ASIP: variants seen among roughly 807,000 people sequenced by gnomAD.
ASIP encodes the protein agouti-signaling protein.
ASIP carries 11 observed loss-of-function variants against 10.3 expected under a neutral mutation model. The observed-to-expected ratio is 1.07, with a 90% confidence interval of 0.68 to 1.78. ASIP has a LOEUF of 1.78. Ranked by LOEUF, ASIP falls within the 40% of genes most tolerant of loss-of-function variation. The pLI is 0.00. For synonymous variants in ASIP, 70 were observed against 70.8 expected, an observed-to-expected ratio of 0.99 and a Z score of 0.06; for missense variants, 180 against 169.2, an observed-to-expected ratio of 1.06 and a Z score of -0.35.
intron 1 of ASIP, among the ~76,000 whole-genome samples, chr20:34,226,498 G>T (rs973161014): frequency 2.0e-4 from 30 of 152,022 alleles, no homozygotes; most frequent in African/African-American, 7.2e-4. Flanking sequence ...GACTACAGGT[G>T]CACACCACAA....
intron 1 of ASIP, among the ~76,000 whole-genome samples, chr20:34,205,091 G>A (rs1034349486): frequency 6.6e-6 from 1 of 152,150 alleles, no homozygotes; most frequent in African/African-American, 2.4e-5. Flanking sequence ...TCTTGGTCTC[G>A]CTGACTTCAA....
intron 1 of ASIP, chr20:34,245,810 AG>A: frequency 2.5e-6 from 2 of 797,302 alleles, no homozygotes; most frequent in Non-Finnish European, 3.1e-6. Context: ...GAAAATGCCA[AG>A]GACGAGGGCA....
At chr20:34,240,500 C>CT (rs1368784482), upstream of ASIP, among the ~76,000 whole-genome samples, 1 of 152,156 alleles carries the variant, frequency 6.6e-6, no homozygotes, top group Non-Finnish European at 1.5e-5. Context: ...GTTTTTGAGT[C>CT]TGTGTAAGTA....
At chr20:34,230,747 G>A (rs2035116350) in intron 1 of ASIP, among the ~76,000 whole-genome samples, 2 of 44,988 alleles carry the variant, frequency 4.4e-5, no homozygotes, top group Non-Finnish European at 7.7e-5. Context: ...CCTCCCGGAT[G>A]GGGCGGCTGG....
At chr20:34,266,737 C>A (rs572174783) in intron 3 of ASIP, among the ~76,000 whole-genome samples, 1 of 152,144 alleles carries the variant, frequency 6.6e-6, no homozygotes, top group Non-Finnish European at 1.5e-5. Context: ...ACTAAGGACA[C>A]GTTAGCACCA....
chr20:34,262,984 TGAAA>T, intron 3 of ASIP, 91 bp downstream of exon 3: 1 of 1,462,192 alleles, frequency 6.8e-7, no homozygotes, highest in Non-Finnish European at 9.4e-7. Flanking sequence ...AGGAACTAAA[TGAAA>T]GATTTTTCAG....
At chr20:34,194,214 T>C (rs934335233), upstream of ASIP, among the ~76,000 whole-genome samples, 5 of 152,054 alleles carry the variant, frequency 3.3e-5, no homozygotes, top group Non-Finnish European at 7.4e-5. Context: ...CAGGAATAAA[T>C]GACACTGGGA....
upstream of ASIP, among the ~76,000 whole-genome samples, chr20:34,241,104 C>T (rs1291673973): frequency 6.6e-6 from 1 of 152,100 alleles, no homozygotes; most frequent in Non-Finnish European, 1.5e-5. Context: ...TCACTTGCAC[C>T]GTAAATAGGA....
At chr20:34,223,674 A>T (rs1280581362) in intron 1 of ASIP, among the ~76,000 whole-genome samples, 4 of 142,564 alleles carry the variant, frequency 2.8e-5, no homozygotes, top group East Asian at 2.2e-4. Context: ...CCTACTGGGA[A>T]GTGAGGAGCC....
At chr20:34,211,326 G>A (rs1474006376) in intron 1 of ASIP, among the ~76,000 whole-genome samples, 1 of 152,194 alleles carries the variant, frequency 6.6e-6, no homozygotes, top group Non-Finnish European at 1.5e-5. Flanking sequence ...GCCTCCCAAA[G>A]TGCCAGAATT....
intron 1 of ASIP, among the ~76,000 whole-genome samples, chr20:34,201,017 C>CTTTCT (rs2034892333): frequency 4.7e-4 from 30 of 63,474 alleles, no homozygotes; most frequent in Middle Eastern, 6.6e-3. Flanking sequence ...TCCTTCCTTC[C>CTTTCT]TTCTTTCTTT....
At chr20:34,225,543 T>G (rs2035086888) in intron 1 of ASIP, among the ~76,000 whole-genome samples, 1 of 152,124 alleles carries the variant, frequency 6.6e-6, no homozygotes, top group Non-Finnish European at 1.5e-5. Flanking sequence ...CAGATCAACT[T>G]CACATGTAAT....
chr20:34,188,940 T>C, the ASIP span, among the ~76,000 whole-genome samples: 1 of 152,194 alleles, frequency 6.6e-6, no homozygotes, highest in Non-Finnish European at 1.5e-5. Flanking sequence ...CTTCTCCCTA[T>C]AAGCATTATG....
At chr20:34,266,862 C>A (rs1395898311) in intron 3 of ASIP, among the ~76,000 whole-genome samples, 1 of 152,168 alleles carries the variant, frequency 6.6e-6, no homozygotes, top group African/African-American at 2.4e-5. Context: ...AACACAGGTT[C>A]CCACTTTGGG....
chr20:34,242,957 A>G (rs1485735475), intron 1 of ASIP, among the ~76,000 whole-genome samples: 1 of 152,284 alleles, frequency 6.6e-6, no homozygotes, highest in Non-Finnish European at 1.5e-5. Context: ...AAACCAATAT[A>G]GTACCCACTA....
At chr20:34,215,354 T>C (rs2122553693) in intron 1 of ASIP, 2 of 1,573,764 alleles carry the variant, frequency 1.3e-6, no homozygotes, top group East Asian at 4.5e-5. Context: ...AGATTTGGAA[T>C]GCACTGTTCC....
At chr20:34,204,814 T>C (rs2034924130) in intron 1 of ASIP, among the ~76,000 whole-genome samples, 1 of 152,246 alleles carries the variant, frequency 6.6e-6, no homozygotes, top group Non-Finnish European at 1.5e-5. Context: ...TTTTACACTT[T>C]ATTCATTTTA....
chr20:34,254,371 T>C (rs1222753258), intron 1 of ASIP, among the ~76,000 whole-genome samples: 2 of 152,212 alleles, frequency 1.3e-5, no homozygotes, highest in African/African-American at 4.8e-5. Flanking sequence ...CCTAGCATTA[T>C]TGTCCTGTAT....
chr20:34,238,525 C>T (rs527969453), upstream of ASIP, among the ~76,000 whole-genome samples: 7 of 152,050 alleles, frequency 4.6e-5, no homozygotes, highest in Non-Finnish European at 1.0e-4. Context: ...TTTAGGTTTT[C>T]CATATCTCTA....
Sources: allele counts gnomAD v4.1 joint callset (sites outside exome capture counted in the v4.1 genomes callset), GRCh38; gene constraint gnomAD v4.1.1; transcripts MANE v1.5; gene names NCBI Gene and HGNC (gene_info 2026-07-23, HGNC 2026-07-21).